The following SOX5 variants were observed in gnomAD, a reference collection of about 807,000 sequenced individuals.
The protein encoded by SOX5 is transcription factor SOX-5.
A neutral mutation model predicts 92.0 loss-of-function variants in SOX5; 9 were observed. The ratio of observed to expected loss-of-function variants is 0.10; its 90% CI spans 0.06 to 0.17. The LOEUF is 0.17. Among genes scored for constraint, SOX5 ranks in the 10% least tolerant of loss-of-function variants. The pLI is 1.00. For synonymous variants in SOX5, 344 were observed against 336.3 expected, an observed-to-expected ratio of 1.02 and a Z score of -0.25; for missense variants, 642 against 944.5, an observed-to-expected ratio of 0.68 and a Z score of 4.20.
chr12:24,551,573 C>T (rs1314994562), intron 1 of SOX5, among the ~76,000 whole-genome samples: 4 of 152,128 alleles, frequency 2.6e-5, no homozygotes, highest in East Asian at 1.9e-4. Context: ...TACAATCATA[C>T]GGAGAACAAA....
chr12:23,904,929 G>A (rs2097275581), intron 1 of SOX5, among the ~76,000 whole-genome samples: 1 of 152,126 alleles, frequency 6.6e-6, no homozygotes, highest in Non-Finnish European at 1.5e-5. Context: ...AGTCAGAGAT[G>A]GAGGGGAGGA....
chr12:23,849,959 AG>A (rs2096613459), intron 2 of SOX5, among the ~76,000 whole-genome samples: 1 of 152,162 alleles, frequency 6.6e-6, no homozygotes, highest in Admixed American at 6.5e-5. Flanking sequence ...GAAAAAAGCT[AG>A]TACAGAAGAT....
At position 24,107,049 on chromosome 12, in the gene SOX5, G is replaced by T. The variant is rs541523368; in HGVS notation, c.-2+106294C>A. ...CAATCCTAAGTGGAACAAATGAAAA[G>T]TAGTTAGGACAAGCATTTCATCATT... On this transcript the variant is annotated intron_variant, in intron 4 of 4. Coordinates refer to the SOX5 transcript ENST00000446891. Among the ~76,000 whole-genome samples, 233 of 151,866 alleles carry T rather than the reference G, an allele frequency of 1.5e-3. 1 individual carries two copies. Among genetic ancestry groups the T allele is most frequent in the Middle Eastern group, 0.01 (3 of 292 alleles).
intron 2 of SOX5, among the ~76,000 whole-genome samples, chr12:23,864,934 T>A (rs959191375): frequency 2.6e-5 from 4 of 152,182 alleles, no homozygotes; most frequent in African/African-American, 4.8e-5. Flanking sequence ...TCTAAGACTT[T>A]CATAGTGAGA....
chr12:23,971,161 C>A (rs1341647437), intron 4 of SOX5, among the ~76,000 whole-genome samples: 3 of 116,202 alleles, frequency 2.6e-5, no homozygotes, highest in African/African-American at 1.1e-4. Flanking sequence ...CTTGCTCTGT[C>A]GCCCAGGCTG....
chr12:23,995,151 T>C (rs1444891089), intron 4 of SOX5, among the ~76,000 whole-genome samples: 4 of 152,188 alleles, frequency 2.6e-5, no homozygotes, highest in Admixed American at 6.5e-5. Flanking sequence ...GTGAGAGTCT[T>C]TTCTTGGCAA....
intron 1 of SOX5, among the ~76,000 whole-genome samples, chr12:24,477,083 C>T (rs1196325658): frequency 6.8e-6 from 1 of 148,032 alleles, no homozygotes; most frequent in African/African-American, 2.5e-5. Context: ...TTCCAAAATT[C>T]ATACCATACT....
At chr12:23,824,209 G>T (rs904027688) in intron 3 of SOX5, among the ~76,000 whole-genome samples, 1 of 152,128 alleles carries the variant, frequency 6.6e-6, no homozygotes, top group Non-Finnish European at 1.5e-5. Flanking sequence ...CTGGTTTTTG[G>T]AATTTTCAGC....
At chr12:23,822,619 T>C (rs2096142186) in intron 3 of SOX5, among the ~76,000 whole-genome samples, 1 of 152,234 alleles carries the variant, frequency 6.6e-6, no homozygotes, top group African/African-American at 2.4e-5. Context: ...GAGAGTTCTG[T>C]AGCTGTCTAT....
In SOX5 at chr12:23,530,354, T is replaced by G. The variant is rs921389235; in HGVS notation, c.*3865A>C. 3 of 152,332 alleles carry G rather than the reference T, an allele frequency of 2.0e-5. No homozygotes were observed. The highest frequency in any genetic ancestry group is 2.0e-4 in the Admixed American group (3 of 15,300). 9.4% of individuals were successfully genotyped at this position (152,332 alleles called of 1,614,324 possible). On this transcript the variant is annotated 3_prime_UTR_variant, in exon 15 of 15. Transcript: ENST00000451604. ...AGTCACAGCTTCTGGATTAAGAAAA[T>G]ATCTGAAGTTGGACCAAAAAATGGT...
At chr12:23,546,549 T>C in intron 11 of SOX5, 125 bp from the exon 12 acceptor site, 1 of 614,804 alleles carries the variant, frequency 1.6e-6, no homozygotes, top group South Asian at 2.0e-5. Flanking sequence ...TATTCACCTT[T>C]TTACGTTCAG....
rs1271375959 is a variant in SOX5 at position 23,531,862 on chromosome 12, A to AACTT, written c.*2353_*2356dup. 4.6e-5 allele frequency: 7 copies of AACTT among 151,644 alleles called. No homozygotes were observed. The highest frequency in any genetic ancestry group is 2.0e-4 in the Admixed American group (3 of 15,180). The allele number at this position is 151,644 out of a possible 1,614,324, so 9.4% of individuals were successfully genotyped here. A position where few individuals can be genotyped will look rare whatever the true frequency, so the allele number is the denominator to read the frequency against. ...GGGCCAAAATTCTTAAAAAAGAGAA[A>AACTT]ACTTACGGAAAGAGAAGTAAAATTG... is the stretch of plus-strand genomic sequence containing the variant. On this transcript the variant is annotated 3_prime_UTR_variant, in exon 15 of 15. Coordinates refer to ENST00000451604, the MANE Select transcript of SOX5 (RefSeq NM_006940.6).
intron 4 of SOX5, among the ~76,000 whole-genome samples, chr12:24,009,005 T>C (rs893858350): frequency 9.2e-5 from 14 of 152,206 alleles, no homozygotes; most frequent in African/African-American, 2.9e-4. Flanking sequence ...TGTAAGAGAC[T>C]GCCATGCTTT....
At position 24,075,048 on chromosome 12, in the gene SOX5, G is replaced by A. The variant is rs865982104; in HGVS notation, c.-2+138295C>T. Reference sequence around the variant, plus strand: ...AGGCAGAGGCAGGAGGACTGCTTGAGCTCAGAAATTCAAGACCAGCCTGGG... The same window carrying A: ...AGGCAGAGGCAGGAGGACTGCTTGAACTCAGAAATTCAAGACCAGCCTGGG... On this transcript the variant is annotated intron_variant, in intron 4 of 4. Transcript: ENST00000446891. 3.3e-5 allele frequency among the ~76,000 whole-genome samples: 5 copies of A among 151,694 alleles called. No homozygotes were observed. The South Asian group carries it at 6.2e-4, about 19-fold the overall frequency.
intron 6 of SOX5, among the ~76,000 whole-genome samples, chr12:23,717,156 G>T (rs2092552663): frequency 6.6e-6 from 1 of 152,164 alleles, no homozygotes; most frequent in African/African-American, 2.4e-5. Context: ...TCATGTGTAA[G>T]CACTGTTTCA....
chr12:23,543,557 G>T (rs1942526610), intron 12 of SOX5, among the ~76,000 whole-genome samples, 173 bp from the exon 13 acceptor site: 2 of 152,194 alleles, frequency 1.3e-5, no homozygotes, highest in Admixed American at 1.3e-4. Flanking sequence ...GATAAGCCTT[G>T]TGGTGGCAAA....
At chr12:23,637,526 A>G (rs1336700206) in intron 8 of SOX5, among the ~76,000 whole-genome samples, 2 of 151,966 alleles carry the variant, frequency 1.3e-5, no homozygotes, top group Non-Finnish European at 2.9e-5. Context: ...CTCCCACCCT[A>G]TCTTTCCATT....
In SOX5 at chr12:23,565,038, G is replaced by A. The variant is rs1190739449; in HGVS notation, c.1343-1635C>T. Among the ~76,000 whole-genome samples the A allele has an allele frequency of 3.9e-5, 6 of 152,196 alleles. No homozygotes were observed. The East Asian group carries it at 9.7e-4, about 25-fold the overall frequency. On this transcript the variant is annotated intron_variant, in intron 10 of 14. Coordinates refer to ENST00000451604, the MANE Select transcript of SOX5 (RefSeq NM_006940.6). ...CAGAAAGAAAAGTTCCAGTGTAGGC[G>A]ATAGAAAAGGGAAGCTTGAGAGTGA...
At chr12:23,817,397 T>C (rs916565148) in intron 3 of SOX5, among the ~76,000 whole-genome samples, 4 of 152,216 alleles carry the variant, frequency 2.6e-5, no homozygotes, top group African/African-American at 9.6e-5. Flanking sequence ...TGTCTAGCCT[T>C]ATTAGTTGCA....
Sources: gnomAD v4.1 joint callset for allele counts (sites outside exome capture counted in the v4.1 genomes callset) on GRCh38, gnomAD v4.1.1 for gene constraint, MANE v1.5 for transcripts, NCBI Gene and HGNC (gene_info 2026-07-23, HGNC 2026-07-21) for gene names.